CDH4: variants seen among roughly 807,000 people sequenced by gnomAD.
The protein encoded by CDH4 is cadherin-4.
CDH4 carries 33 observed loss-of-function variants against 86.0 expected under a neutral mutation model. The observed-to-expected ratio is 0.38, with a 90% confidence interval of 0.29 to 0.51. CDH4 has a LOEUF of 0.51. Among genes scored for constraint, CDH4 ranks in the 20% least tolerant of loss-of-function variants. The pLI is 0.86. For synonymous variants in CDH4, 555 were observed against 549.4 expected (o/e 1.01, Z -0.14); for missense variants, 1,114 against 1,307.4 (o/e 0.85, Z 2.28).
intron 2 of CDH4, among the ~76,000 whole-genome samples, chr20:61,595,661 C>T (rs781453578): frequency 3.4e-4 from 51 of 152,160 alleles, no homozygotes; most frequent in Admixed American, 3.3e-4. Context: ...GCCATGGTTC[C>T]GAGGCACCAC....
At chr20:61,533,151 T>C (rs62201787) in intron 2 of CDH4, among the ~76,000 whole-genome samples, 23,317 of 151,634 alleles carry the variant, frequency 0.15, 2,091 homozygotes, top group East Asian at 0.45. Flanking sequence ...GAAGGGGACT[T>C]GGGTTGGGGG....
intron 2 of CDH4, among the ~76,000 whole-genome samples, chr20:61,732,276 C>G (rs1273481446): frequency 3.9e-5 from 6 of 152,294 alleles, no homozygotes; most frequent in Admixed American, 3.9e-4. Context: ...TGTGATATTC[C>G]AAACCAACAC....
intron 3 of CDH4, among the ~76,000 whole-genome samples, chr20:61,764,485 CG>C (rs1167599003): frequency 6.6e-6 from 1 of 152,086 alleles, no homozygotes; most frequent in African/African-American, 2.4e-5. Context: ...CAGAGAGACC[CG>C]GGGCTGGAGA....
chr20:61,558,180 T>C (rs1052108573), intron 2 of CDH4, among the ~76,000 whole-genome samples: 5 of 152,212 alleles, frequency 3.3e-5, no homozygotes, highest in African/African-American at 1.2e-4. Flanking sequence ...TCACCCCATT[T>C]AGCTGCTGGG....
intron 2 of CDH4, among the ~76,000 whole-genome samples, chr20:61,493,262 G>T (rs1158035811): frequency 1.3e-5 from 2 of 152,158 alleles, no homozygotes; most frequent in African/African-American, 4.8e-5. Context: ...AGTATGCTAT[G>T]CCCTGCTTAG....
chr20:61,417,547 C>A lies in CDH4; in HGVS notation c.169+162610C>A, dbSNP rs139492072. On this transcript the variant is annotated intron_variant, in intron 2 of 15. Coordinates refer to ENST00000614565, the MANE Select transcript of CDH4 (RefSeq NM_001794.5). The surrounding 1 kb of genome is among the most constrained non-coding windows in gnomAD (Gnocchi z 4.0). Reference sequence around the variant, plus strand: ...AACATCTCCCCTTCTGGGTTGATTACTGTCAACAACTGTCATCCCTCCCTG... The same window carrying A: ...AACATCTCCCCTTCTGGGTTGATTAATGTCAACAACTGTCATCCCTCCCTG... 1.8e-4 allele frequency among the ~76,000 whole-genome samples: 28 copies of A among 152,302 alleles called. No individual in the cohort carries two copies. The highest frequency in any genetic ancestry group is 4.0e-4 in the Non-Finnish European group (27 of 68,042).
chr20:61,501,928 G>T lies in CDH4; in HGVS notation c.170-241635G>T, dbSNP rs1278893860. On this transcript the variant is annotated intron_variant, in intron 2 of 15. Coordinates refer to ENST00000614565, the MANE Select transcript of CDH4 (RefSeq NM_001794.5). This position sits in a 1 kb window ranked among gnomAD's most constrained non-coding sequence, Gnocchi z 4.2. ...CCCAGCTCCTCTGAGGAATGCCTGA[G>T]TGAGGACCCCGTGTAAAGTAAGATG... Among the ~76,000 whole-genome samples the T allele has an allele frequency of 6.6e-6, 1 of 152,206 alleles. No homozygotes were observed. Among genetic ancestry groups the T allele is most frequent in the Non-Finnish European group, 1.5e-5 (1 of 68,038 alleles).
chr20:61,806,096 C>G (rs1207907361), intron 4 of CDH4, among the ~76,000 whole-genome samples: 1 of 152,222 alleles, frequency 6.6e-6, no homozygotes, highest in East Asian at 1.9e-4. Context: ...AGAATGGCTG[C>G]AGGATGTCAT....
chr20:61,493,303 C>T (rs949589554), intron 2 of CDH4, among the ~76,000 whole-genome samples: 18 of 152,054 alleles, frequency 1.2e-4, no homozygotes, highest in East Asian at 7.7e-4. Context: ...ATATGTGAAG[C>T]GTGCTATGCC....
chr20:61,593,190 A>G (rs955272115), intron 2 of CDH4, among the ~76,000 whole-genome samples: 2 of 152,246 alleles, frequency 1.3e-5, no homozygotes, highest in African/African-American at 4.8e-5. Flanking sequence ...TTGTTACAGC[A>G]GCAAAAGTAA....
At chr20:61,256,963 G>A (rs563167507) in intron 2 of CDH4, among the ~76,000 whole-genome samples, 1 of 152,340 alleles carries the variant, frequency 6.6e-6, no homozygotes, top group African/African-American at 2.4e-5. Context: ...GCACTGAAAC[G>A]AGGGCACAGT....
At chr20:61,917,673 G>A (rs1197544079) in intron 9 of CDH4, among the ~76,000 whole-genome samples, 1 of 152,258 alleles carries the variant, frequency 6.6e-6, no homozygotes, top group Non-Finnish European at 1.5e-5. Context: ...GCCGGTGCTG[G>A]AGCTGCTGCT....
intron 9 of CDH4, among the ~76,000 whole-genome samples, chr20:61,919,950 CGTGTT>C (rs2054950693): frequency 7.8e-6 from 1 of 128,726 alleles, no homozygotes; most frequent in Admixed American, 7.9e-5. Context: ...TGCGTGGAAG[CGTGTT>C]GTGATTGTGT....
At position 61,889,736 on chromosome 20, in the gene CDH4, T is replaced by TGATG. The variant is rs766011788; in HGVS notation, c.1051-5157_1051-5154dup. The stretch of plus-strand genomic sequence containing the variant: ...ATGGATGGATGGACAGACAGATGGA[T>TGATG]GATGGATGGATGGATGGATGCATGG... On this transcript the variant is annotated intron_variant, in intron 7 of 15. Coordinates refer to ENST00000614565, the MANE Select transcript of CDH4 (RefSeq NM_001794.5). 1.5e-4 allele frequency among the ~76,000 whole-genome samples: 21 copies of TGATG among 136,528 alleles called. No individual in the cohort carries two copies. In the South Asian group the frequency reaches 2.2e-3, roughly 14 times the overall value. The allele number at this position is 136,528 out of a possible 152,430, so 89.6% of individuals were successfully genotyped here.
At chr20:61,792,882 C>G (rs1333932548) in intron 4 of CDH4, among the ~76,000 whole-genome samples, 1 of 152,164 alleles carries the variant, frequency 6.6e-6, no homozygotes, top group African/African-American at 2.4e-5. Flanking sequence ...AACTCCCGAC[C>G]TTGTGATCCA....
intron 3 of CDH4, among the ~76,000 whole-genome samples, chr20:61,761,236 A>G (rs936048970): frequency 2.0e-5 from 3 of 152,228 alleles, no homozygotes; most frequent in Non-Finnish European, 4.4e-5. Context: ...GGGGGCTCAC[A>G]TAATTTCCTT....
intron 2 of CDH4, among the ~76,000 whole-genome samples, chr20:61,641,395 C>T (rs1186549171): frequency 1.3e-5 from 2 of 152,124 alleles, no homozygotes; most frequent in East Asian, 3.9e-4. Context: ...CACAGCCCAC[C>T]GGCCCCTTCT....
rs916261922 is a variant in CDH4, at chr20:61,938,643, C to A, written c.*1700C>A. ...TGGGGTCAGGGAGTGTCTCGGGGTG[C>A]CTTTGGGGGCAGCATGAGCTCCACC... On this transcript the variant is annotated 3_prime_UTR_variant, in exon 16 of 16. Coordinates refer to ENST00000614565, the MANE Select transcript of CDH4 (RefSeq NM_001794.5). 3.3e-5 allele frequency: 5 copies of A among 152,400 alleles called. No individual in the cohort carries two copies. Among genetic ancestry groups the A allele is most frequent in the Admixed American group, 1.3e-4 (2 of 15,284 alleles). The allele number at this position is 152,400 out of a possible 1,614,324, so 9.4% of individuals were successfully genotyped here.
At chr20:61,882,983 A>G (rs1009402806) in intron 7 of CDH4, among the ~76,000 whole-genome samples, 66 of 152,268 alleles carry the variant, frequency 4.3e-4, no homozygotes, top group African/African-American at 1.5e-3. Flanking sequence ...GTCCACGCCC[A>G]GAAGCCCAGT....
Sources: gnomAD v4.1 joint callset for allele counts (sites outside exome capture counted in the v4.1 genomes callset) on GRCh38, gnomAD v4.1.1 for gene constraint, Gnocchi (gnomAD v3.1) non-coding constraint, MANE v1.5 for transcripts, NCBI Gene and HGNC (gene_info 2026-07-23, HGNC 2026-07-21) for gene names.